PPP2R5E: variants seen among roughly 807,000 people sequenced by gnomAD.
PPP2R5E encodes the protein protein phosphatase 2 regulatory subunit B'epsilon, also known as serine/threonine-protein phosphatase 2A 56 kDa regulatory subunit epsilon isoform.
In PPP2R5E, 4 loss-of-function variants were observed where a neutral mutation model predicts 65.3. The ratio of observed to expected loss-of-function variants is 0.06; its 90% confidence interval spans 0.03 to 0.14. PPP2R5E has a LOEUF of 0.14. Ranked by LOEUF, PPP2R5E falls within the 10% of genes least tolerant of loss-of-function variation. The pLI, the probability that PPP2R5E is intolerant of heterozygous loss-of-function variation, is 1.00. For missense variants in PPP2R5E, 274 were observed against 556.1 expected (o/e 0.49, Z 5.10); for synonymous variants, 183 against 187.4 (o/e 0.98, Z 0.19).
rs372351483 is a variant in PPP2R5E, at chr14:63,416,847, T to TA, written c.457-1616dup. 3.9e-3 allele frequency among the ~76,000 whole-genome samples: 587 copies of TA among 152,308 alleles called. 2 individuals carry two copies. Among genetic ancestry groups the TA allele is most frequent in the Non-Finnish European group, 6.9e-3 (467 of 68,016 alleles). ...TGCTTCTATATCCAATCTGTTGTGA[T>TA]ATGTCATTTTGGTTTAAGTATACAA... On this transcript the variant is annotated intron_variant, in intron 4 of 13. Coordinates refer to ENST00000337537, the MANE Select transcript of PPP2R5E (RefSeq NM_006246.5).
intron 4 of PPP2R5E, among the ~76,000 whole-genome samples, chr14:63,416,508 T>C (rs1312918060): frequency 6.6e-6 from 1 of 152,132 alleles, no homozygotes; most frequent in Non-Finnish European, 1.5e-5. Context: ...ATCATCACTA[T>C]TCCTAAAATA....
intron 2 of PPP2R5E, among the ~76,000 whole-genome samples, chr14:63,500,860 G>A (rs200394355): frequency 4.6e-5 from 7 of 150,690 alleles, no homozygotes; most frequent in Admixed American, 1.3e-4. Flanking sequence ...GAGTGAGACC[G>A]CATCTCTAAA....
At chr14:63,522,758 G>A (rs868489951) in intron 2 of PPP2R5E, among the ~76,000 whole-genome samples, 95 of 136,898 alleles carry the variant, frequency 6.9e-4, no homozygotes, top group African/African-American at 2.4e-3. Flanking sequence ...AAGCCGCCCC[G>A]TCTGAGAAGT....
Position 63,371,578 on chromosome 14 carries a change from A to G in PPP2R5E, c.*4431T>C, listed in dbSNP as rs1883692109. The G allele has an allele frequency of 6.6e-6, 1 of 152,248 alleles. No homozygotes were observed. The highest frequency in any genetic ancestry group is 6.5e-5 in the Admixed American group (1 of 15,284). 9.4% of individuals were successfully genotyped at this position (152,248 alleles called of 1,614,324 possible). ...TTGTGGTGTTTGAAAAGGAAGTAGC[A>G]TGTTTTAGCCAGAGGTGGAAGATTG... is the stretch of plus-strand genomic sequence containing the variant. On this transcript the variant is annotated 3_prime_UTR_variant, in exon 14 of 14. Coordinates refer to ENST00000337537, the MANE Select transcript of PPP2R5E (RefSeq NM_006246.5).
chr14:63,467,222 C>CAAAAAAAAAAAAAAAA lies in PPP2R5E; in HGVS notation c.158-13338_158-13337insTTTTTTTTTTTTTTTT, dbSNP rs767892639. On this transcript the variant is annotated intron_variant, in intron 2 of 13. Coordinates refer to ENST00000337537, the MANE Select transcript of PPP2R5E (RefSeq NM_006246.5). ...TGGGTGACAGAGCAAGACTCCGTCT[C>CAAAAAAAAAAAAAAAA]AAAAAAAACAAACAAACAAACAAAA... 7.9e-5 allele frequency among the ~76,000 whole-genome samples: 9 copies of CAAAAAAAAAAAAAAAA among 114,378 alleles called. 1 individual carries two copies. The highest frequency in any genetic ancestry group is 3.1e-4 in the African/African-American group (7 of 22,438). 75.0% of individuals were successfully genotyped at this position (114,378 alleles called of 152,430 possible).
intron 2 of PPP2R5E, among the ~76,000 whole-genome samples, chr14:63,523,580 G>A (rs1231123709): frequency 8.3e-6 from 1 of 120,886 alleles, no homozygotes; most frequent in Non-Finnish European, 1.8e-5. Context: ...GCGGAAGGCC[G>A]CAGGGTCCTC....
chr14:63,396,515 T>C lies in PPP2R5E; in HGVS notation c.680+71A>G. Reference sequence around the variant, plus strand: ...AAGTCAGTACACCGTTTTCAGATATTTGAGATTTACTTAATACTCATAAAA... The same window carrying C: ...AAGTCAGTACACCGTTTTCAGATATCTGAGATTTACTTAATACTCATAAAA... On this transcript the variant is annotated intron_variant, in intron 6 of 13. Transcript: ENST00000337537. 8.4e-6 allele frequency: 13 copies of C among 1,540,990 alleles called. No homozygotes were observed. The South Asian group carries it at 1.6e-4, about 19-fold the overall frequency.
chr14:63,540,430 C>CAAAA (rs202037803), intron 1 of PPP2R5E, among the ~76,000 whole-genome samples: 1 of 74,644 alleles, frequency 1.3e-5, no homozygotes, highest in Non-Finnish European at 2.8e-5. Flanking sequence ...GAGTCCATCT[C>CAAAA]AAAAAAAAAA....
Position 63,509,798 on chromosome 14 carries a change from G to A in PPP2R5E, c.157+29731C>T, listed in dbSNP as rs527867090. 2.0e-3 allele frequency among the ~76,000 whole-genome samples: 299 copies of A among 152,298 alleles called. 1 individual carries two copies. The highest frequency in any genetic ancestry group is 6.9e-3 in the African/African-American group (287 of 41,556). ...ATCTGAGAGACAAATTATACTTGAA[G>A]GACAGCAACTCTATCCCTGAGTTAG... On this transcript the variant is annotated intron_variant, in intron 2 of 13. Transcript: ENST00000337537.
At position 63,382,115 on chromosome 14, in the gene PPP2R5E, C is replaced by T; in HGVS notation, c.1245G>A (p.Met415Ile). 1 of 1,613,936 alleles carries T rather than the reference C, an allele frequency of 6.2e-7. No individual in the cohort carries two copies. Among genetic ancestry groups the T allele is most frequent in the Non-Finnish European group, 8.5e-7 (1 of 1,179,906 alleles). The change falls in exon 13 of 14, where the codon ATG becomes ATA. Residue 415 changes from methionine to isoleucine, a missense_variant. Met to Ile is a conservative substitution (Grantham distance 10). Coordinates refer to ENST00000337537, the MANE Select transcript of PPP2R5E (RefSeq NM_006246.5). The stretch of plus-strand genomic sequence containing the variant: ...CGTCAAACATGGTGCTGTTCATTTC[C>T]ATAAATGCCTTCAACACATTGTACA... ...ALVYNVLKAF[M>I]EMNSTMFDEL...
chr14:63,517,507 C>A (rs1892713776), intron 2 of PPP2R5E, among the ~76,000 whole-genome samples: 2 of 152,140 alleles, frequency 1.3e-5, no homozygotes, highest in South Asian at 4.1e-4. Context: ...TTTTGTTAGA[C>A]CCTGTCAGGT....
At chr14:63,420,696 G>T (rs950410206) in intron 4 of PPP2R5E, among the ~76,000 whole-genome samples, 1 of 152,142 alleles carries the variant, frequency 6.6e-6, no homozygotes, top group Admixed American at 6.5e-5. Context: ...AAGTAGGGGG[G>T]AAAAACTCTT....
At chr14:63,489,604 T>G (rs1413630863) in intron 2 of PPP2R5E, among the ~76,000 whole-genome samples, 1 of 151,906 alleles carries the variant, frequency 6.6e-6, no homozygotes, top group Non-Finnish European at 1.5e-5. Context: ...GAGATGGGGT[T>G]TTGCCACATT....
Position 63,382,204 on chromosome 14 carries a change from T to C in PPP2R5E, c.1203-47A>G, listed in dbSNP as rs74627330. 2.0e-3 allele frequency: 2,882 copies of C among 1,465,298 alleles called. 47 individuals carry two copies. The East Asian group carries it at 0.038, about 19-fold the overall frequency. The allele number at this position is 1,465,298 out of a possible 1,614,324, so 90.8% of individuals were successfully genotyped here. A position where few individuals can be genotyped will look rare whatever the true frequency, so the allele number is the denominator to read the frequency against. ...GAGTGTGTTAGTTAGTCTTATAAAA[T>C]GGGATACTGAATGAAGAAAGCAAAA... On this transcript the variant is annotated intron_variant, in intron 12 of 13. Transcript: ENST00000337537.
intron 3 of PPP2R5E, among the ~76,000 whole-genome samples, chr14:63,445,737 G>A (rs11846690): frequency 0.072 from 11,015 of 152,056 alleles, 1,323 homozygotes; most frequent in African/African-American, 0.25. Flanking sequence ...AGCTACTCGG[G>A]AGGCTGAGGC....
intron 2 of PPP2R5E, among the ~76,000 whole-genome samples, chr14:63,474,533 C>T (rs1169248335): frequency 6.6e-6 from 1 of 151,338 alleles, no homozygotes; most frequent in Non-Finnish European, 1.5e-5. Context: ...CTCAGCTGGG[C>T]GCAGTGGTGT....
At position 63,539,566 on chromosome 14, in the gene PPP2R5E, G is replaced by C; in HGVS notation, c.120C>G (p.Gly40=). Residue 40 remains glycine, a synonymous_variant, in exon 2 of 14, where the codon GGC becomes GGG. Transcript: ENST00000337537. ...SQSSSQFRSQ[G]KPIELTPLPL... Reference sequence around the variant, plus strand: ...GCAGAGGTGTTAACTCAATAGGCTTGCCTTGAGACCTAAACTGTGAGGAAC... The same window carrying C: ...GCAGAGGTGTTAACTCAATAGGCTTCCCTTGAGACCTAAACTGTGAGGAAC... 8 of 1,614,048 alleles carry C rather than the reference G, an allele frequency of 5.0e-6. No homozygotes were observed. The highest frequency in any genetic ancestry group is 6.8e-6 in the Non-Finnish European group (8 of 1,179,956).
intron 2 of PPP2R5E, among the ~76,000 whole-genome samples, chr14:63,481,959 A>C (rs1196258923): frequency 6.6e-6 from 1 of 152,198 alleles, no homozygotes; most frequent in African/African-American, 2.4e-5. Context: ...TGATGGTAGG[A>C]AACAAATTGC....
intron 2 of PPP2R5E, among the ~76,000 whole-genome samples, chr14:63,493,804 C>T (rs1163248308): frequency 6.6e-6 from 1 of 152,094 alleles, no homozygotes; most frequent in African/African-American, 2.4e-5. Flanking sequence ...CTATCTGCCT[C>T]ACTAACTAAT....
Sources: allele counts gnomAD v4.1 joint callset (sites outside exome capture counted in the v4.1 genomes callset), GRCh38; gene constraint gnomAD v4.1.1; transcripts MANE v1.5; gene names NCBI Gene and HGNC (gene_info 2026-07-23, HGNC 2026-07-21).